MST1R: variants seen among roughly 807,000 people sequenced by gnomAD.
MST1R encodes the protein macrophage-stimulating protein receptor.
MST1R carries 99 observed loss-of-function variants against 117.8 expected under a neutral mutation model. The observed-to-expected ratio is 0.84, with a 90% confidence interval of 0.71 to 0.99. The LOEUF is 0.99. Among genes scored for constraint, MST1R ranks in the 50% least tolerant of loss-of-function variants. The pLI, the probability that MST1R is intolerant of heterozygous loss-of-function variation, is 0.00. For synonymous variants in MST1R, 734 were observed against 765.3 expected (o/e 0.96, Z 0.68); for missense variants, 1,683 against 1,840.2 (o/e 0.91, Z 1.56).
rs1246660921 is a variant in MST1R, at chr3:49,887,382, T to C, written c.4128A>G (p.Glu1376=). The C allele has an allele frequency of 5.0e-6, 8 of 1,614,224 alleles. No homozygotes were observed. Among genetic ancestry groups the C allele is most frequent in the Non-Finnish European group, 6.8e-6 (8 of 1,180,036 alleles). ...CTGGCATGGGTGAGAACTGCGGCTG[T>C]TCTGGACGCACATTCATCTCATGCG... ...STSHEMNVRP[E]QPQFSPMPGN... Residue 1376 remains glutamate (E), a synonymous_variant, in exon 20 of 20, where the codon GAA becomes GAG. Transcript: ENST00000296474.
Position 49,891,394 on chromosome 3 carries a change from C to T in MST1R, c.3534+5G>A. The T allele has an allele frequency of 1.2e-6, 2 of 1,613,896 alleles. No homozygotes were observed. The highest frequency in any genetic ancestry group is 8.5e-7 in the Non-Finnish European group (1 of 1,179,906). On this transcript the variant is annotated splice_donor_5th_base_variant and intron_variant, in intron 16 of 19. Coordinates refer to ENST00000296474, the MANE Select transcript of MST1R (RefSeq NM_002447.4). The stretch of plus-strand genomic sequence containing the variant: ...CCCCCAACCCAGAGCCAGATGAACA[C>T]TGACCCGCTGAGGTGAGCGGATGAA...
In MST1R at chr3:49,891,798, C is replaced by T; in HGVS notation, c.3312G>A (p.Gln1104=). ...TGGCACATTGGATTCGATTCTGGGC[C>T]TGGTCTATGTATTCTCCGTGGTAGA... The part of the protein sequence containing the change: ...GVVYHGEYID[Q]AQNRIQCAIK... Residue 1104 remains glutamine, a synonymous_variant, in exon 15 of 20, where the codon CAG becomes CAA. Transcript: ENST00000296474. 6.2e-7 allele frequency: 1 copy of T among 1,614,094 alleles called. No homozygotes were observed. Among genetic ancestry groups the T allele is most frequent in the Non-Finnish European group, 8.5e-7 (1 of 1,180,012 alleles).
At chr3:49,898,027 G>A (rs773265074) in intron 5 of MST1R, 24 bp downstream of exon 5, 10 of 1,613,892 alleles carry the variant, frequency 6.2e-6, no homozygotes, top group Non-Finnish European at 7.6e-6. Flanking sequence ...TTCAGGGAAA[G>A]GGAGGGGAGG....
intron 14 of MST1R, 98 bp from the exon 15 acceptor site, chr3:49,891,936 T>G (rs527713318): frequency 3.6e-6 from 3 of 830,774 alleles, no homozygotes; most frequent in South Asian, 1.6e-5. Flanking sequence ...AGCACTAAAC[T>G]GGCCAATCTG....
Position 49,897,572 on chromosome 3 carries a change from C to A in MST1R, c.1994G>T (p.Gly665Val). ...VSLTVTNMPPGKHFRVDGTSV... is the reference protein window; with the variant it reads ...VSLTVTNMPPVKHFRVDGTSV... ...GGTGCCGTCTACCCGGAAGTGCTTG[C>A]CCGGTGGCATGTTAGTCACGGTGAG... The change falls in exon 6 of 20, where the codon GGC becomes GTC. Residue 665 changes from glycine to valine, a missense_variant. Physicochemically the swap from Gly to Val is moderately radical, Grantham distance 109. Coordinates refer to ENST00000296474, the MANE Select transcript of MST1R (RefSeq NM_002447.4). The A allele has an allele frequency of 6.2e-7, 1 of 1,614,118 alleles. No homozygotes were observed. The highest frequency in any genetic ancestry group is 8.5e-7 in the Non-Finnish European group (1 of 1,180,032).
chr3:49,895,576 G>A (rs2082439741), intron 12 of MST1R, 28 bp from the exon 13 acceptor site: 1 of 1,613,420 alleles, frequency 6.2e-7, no homozygotes, highest in Non-Finnish European at 8.5e-7. Context: ...TTGGTGGCTT[G>A]GCTTTCCAAG....
At chr3:49,889,872 T>C in intron 19 of MST1R, 52 bp downstream of exon 19, 1 of 1,609,126 alleles carries the variant, frequency 6.2e-7, no homozygotes, top group East Asian at 2.2e-5. Context: ...TCCTGTCTCT[T>C]CCATGTCTCT....
intron 4 of MST1R, 100 bp downstream of exon 4, chr3:49,898,418 A>T: frequency 6.8e-7 from 1 of 1,467,320 alleles, no homozygotes; most frequent in African/African-American, 1.4e-5. Context: ...TATGAAGGAC[A>T]CCCCCCAGAC....
chr3:49,890,400 C>T (rs1278362212), intron 18 of MST1R, 85 bp downstream of exon 18: 1 of 1,458,050 alleles, frequency 6.9e-7, no homozygotes, highest in Admixed American at 2.1e-5. Context: ...ACTCCCTGGG[C>T]TCAGATCATT....
At chr3:49,899,772 C>T (rs12493565) in intron 1 of MST1R, among the ~76,000 whole-genome samples, 10,724 of 151,692 alleles carry the variant, frequency 0.071, 399 homozygotes, top group Non-Finnish European at 0.077. Context: ...GGGGGTTTCA[C>T]GATGTTGGCC....
At position 49,902,966 on chromosome 3, in the gene MST1R, G is replaced by A. The variant is rs1179885946; in HGVS notation, c.644C>T (p.Ser215Leu). The change falls in exon 1 of 20, where the codon TCA becomes TTA. Residue 215 changes from serine (S) to leucine (L), a missense_variant. Transcript: ENST00000296474. The stretch of plus-strand genomic sequence containing the variant: ...AGCCTTGAGACGCCTGATAGACACT[G>A]AGCGTGGGCTGAAGCTGGCAGCCAC... The part of the protein sequence containing the change: ...AAVAASFSPR[S>L]VSIRRLKADA... The A allele has an allele frequency of 1.2e-6, 2 of 1,613,054 alleles. No homozygotes were observed. Among genetic ancestry groups the A allele is most frequent in the African/African-American group, 2.7e-5 (2 of 74,960 alleles).
intron 14 of MST1R, among the ~76,000 whole-genome samples, chr3:49,893,335 G>A (rs1245833295): frequency 6.6e-6 from 1 of 151,594 alleles, no homozygotes; most frequent in Admixed American, 6.6e-5. Context: ...TGGATACAGT[G>A]GCTCACGCCT....
intron 14 of MST1R, among the ~76,000 whole-genome samples, chr3:49,893,908 A>T (rs1344814021): frequency 2.1e-5 from 3 of 146,082 alleles, no homozygotes; most frequent in African/African-American, 5.1e-5. Flanking sequence ...CAAAAAAAAA[A>T]AAAAAATAAA....
At chr3:49,890,842 C>T (rs1047139940) in intron 17 of MST1R, among the ~76,000 whole-genome samples, 192 bp from the exon 18 acceptor site, 1 of 152,208 alleles carries the variant, frequency 6.6e-6, no homozygotes, top group Admixed American at 6.5e-5. Context: ...TCTCCCGCCT[C>T]AGCCTCCTGA....
chr3:49,899,583 T>C, intron 1 of MST1R: 1 of 298,954 alleles, frequency 3.3e-6, no homozygotes, highest in East Asian at 7.2e-5. Context: ...TTTTTTTTTT[T>C]TTTTTTTTTT....
intron 1 of MST1R, among the ~76,000 whole-genome samples, chr3:49,901,744 C>T (rs1231126873): frequency 3.5e-5 from 4 of 112,732 alleles, no homozygotes; most frequent in African/African-American, 1.0e-4. Context: ...CTCCCTGGAA[C>T]GTGGTGGCTG....
In MST1R at chr3:49,898,110, A is replaced by G; in HGVS notation, c.1821T>C (p.His607=). Residue 607 remains histidine, a synonymous_variant, in exon 5 of 20, where the codon CAT becomes CAC. Coordinates refer to ENST00000296474, the MANE Select transcript of MST1R (RefSeq NM_002447.4). Reference sequence around the variant, plus strand: ...AGGGACTTTGGCCCACAGTGACCTGATGGGTTCCCTCAGGCACCAGACCAG... The same window carrying G: ...AGGGACTTTGGCCCACAGTGACCTGGTGGGTTCCCTCAGGCACCAGACCAG... The part of the protein sequence containing the change: ...HPSGLVPEGT[H]QVTVGQSPCR... 1 of 1,614,040 alleles carries G rather than the reference A, an allele frequency of 6.2e-7. No homozygotes were observed. The highest frequency in any genetic ancestry group is 2.2e-5 in the East Asian group (1 of 44,868).
Position 49,887,088 on chromosome 3 carries a change from C to T in MST1R, c.*219G>A. On this transcript the variant is annotated 3_prime_UTR_variant, in exon 20 of 20. Coordinates refer to ENST00000296474, the MANE Select transcript of MST1R (RefSeq NM_002447.4). ...TGCTGAGTCCACTGTGCCCAGAAGA[C>T]AGGGTCCACAGCAGGCACTCCATAA... 2 of 624,178 alleles carry T rather than the reference C, an allele frequency of 3.2e-6. No individual in the cohort carries two copies. Among genetic ancestry groups the T allele is most frequent in the Non-Finnish European group, 5.6e-6 (2 of 358,396 alleles). 38.7% of individuals were successfully genotyped at this position (624,178 alleles called of 1,614,324 possible).
At position 49,897,363 on chromosome 3, in the gene MST1R, G is replaced by T; in HGVS notation, c.2100C>A (p.Thr700=). ...QPLFGPRAGG[T]CLTLEGQSLS... is the part of the protein sequence containing the mutation. ...GACTCTGGCCTTCAAGAGTGAGACA[G>T]GTGCCTCCTGCCCGTGGGCCAAAGA... The change falls in exon 7 of 20, where the codon ACC becomes ACA. Residue 700 remains threonine (T), a synonymous_variant. Transcript: ENST00000296474. The T allele has an allele frequency of 6.2e-7, 1 of 1,613,974 alleles. No individual in the cohort carries two copies. Among genetic ancestry groups the T allele is most frequent in the Non-Finnish European group, 8.5e-7 (1 of 1,179,974 alleles).
Sources: allele counts gnomAD v4.1 joint callset (sites outside exome capture counted in the v4.1 genomes callset), GRCh38; gene constraint gnomAD v4.1.1; transcripts MANE v1.5; gene names NCBI Gene and HGNC (gene_info 2026-07-23, HGNC 2026-07-21).